RAB38: variants seen among roughly 807,000 people sequenced by gnomAD.
RAB38 encodes RAB38, member RAS oncogene family.
Under a neutral mutation model 18.4 loss-of-function variants are expected in RAB38, and 15 were observed. The ratio of observed to expected loss-of-function variants is 0.82; its 90% CI spans 0.55 to 1.26. The LOEUF is 1.26. RAB38 is among the 50% of genes most tolerant of loss of function. RAB38 has a pLI of 0.00. For synonymous variants in RAB38, 101 were observed against 104.4 expected (o/e 0.97, Z 0.20); for missense variants, 294 against 267.4 (o/e 1.10, Z -0.69).
At chr11:88,029,888 A>G in the RAB38 span, among the ~76,000 whole-genome samples, 1 of 152,160 alleles carries the variant, frequency 6.6e-6, no homozygotes, top group Non-Finnish European at 1.5e-5. Flanking sequence ...CCTAATAGAC[A>G]TCTACAGAAC....
the RAB38 span, among the ~76,000 whole-genome samples, chr11:88,013,149 C>G: frequency 6.6e-6 from 1 of 152,092 alleles, no homozygotes; most frequent in South Asian, 2.1e-4. Flanking sequence ...TAAACTTTCA[C>G]TAAATACCAA....
At chr11:88,003,595 T>C in the RAB38 span, among the ~76,000 whole-genome samples, 2 of 81,422 alleles carry the variant, frequency 2.5e-5, 1 homozygote, top group South Asian at 8.0e-4. Flanking sequence ...TAATATTGTA[T>C]ATATTATATA....
chr11:87,956,601 CTAAT>C, the RAB38 span, among the ~76,000 whole-genome samples: 1 of 152,028 alleles, frequency 6.6e-6, no homozygotes, highest in African/African-American at 2.4e-5. Flanking sequence ...GGTCTGGGAA[CTAAT>C]TAATAATTTG....
chr11:87,977,757 A>G, the RAB38 span, among the ~76,000 whole-genome samples: 1 of 60,870 alleles, frequency 1.6e-5, no homozygotes, highest in African/African-American at 5.5e-5. Context: ...TAATATATAT[A>G]TATTATATTA....
chr11:88,062,461 T>C, the RAB38 span, among the ~76,000 whole-genome samples: 3 of 152,248 alleles, frequency 2.0e-5, no homozygotes, highest in African/African-American at 7.2e-5. Flanking sequence ...TATTTCTTTA[T>C]AGCAGTGTGA....
chr11:87,958,986 A>C, the RAB38 span, among the ~76,000 whole-genome samples: 6 of 152,274 alleles, frequency 3.9e-5, no homozygotes, highest in South Asian at 1.0e-3. Context: ...GCCCTAGAGA[A>C]TATAATGAAA....
At chr11:87,827,943 A>T in the RAB38 span, among the ~76,000 whole-genome samples, 3 of 152,226 alleles carry the variant, frequency 2.0e-5, no homozygotes, top group South Asian at 4.1e-4. Context: ...ATTGGATCTT[A>T]GAACACAAAA....
the RAB38 span, among the ~76,000 whole-genome samples, chr11:87,948,689 G>GCATTA: frequency 8.0e-6 from 1 of 125,768 alleles, no homozygotes; most frequent in Non-Finnish European, 1.6e-5. Context: ...TTTATATGCT[G>GCATTA]GATTTATTGA....
At chr11:88,031,131 A>G in the RAB38 span, among the ~76,000 whole-genome samples, 1 of 152,076 alleles carries the variant, frequency 6.6e-6, no homozygotes, top group Non-Finnish European at 1.5e-5. Flanking sequence ...CAAAAACCAC[A>G]TGATTATCTC....
At chr11:88,063,615 G>C in the RAB38 span, among the ~76,000 whole-genome samples, 2 of 152,168 alleles carry the variant, frequency 1.3e-5, no homozygotes, top group Non-Finnish European at 2.9e-5. Context: ...ATCTTGAACT[G>C]TAGTAATCCC....
the RAB38 span, among the ~76,000 whole-genome samples, chr11:87,968,507 A>T: frequency 6.6e-6 from 1 of 152,280 alleles, no homozygotes; most frequent in African/African-American, 2.4e-5. Context: ...ATCTTTCCAT[A>T]GAATGGAACA....
At chr11:88,058,315 C>A in the RAB38 span, among the ~76,000 whole-genome samples, 1 of 152,104 alleles carries the variant, frequency 6.6e-6, no homozygotes, top group Non-Finnish European at 1.5e-5. Flanking sequence ...CCTAGAGGAA[C>A]AAATGAACAG....
At chr11:87,924,995 C>G in the RAB38 span, among the ~76,000 whole-genome samples, 1 of 152,080 alleles carries the variant, frequency 6.6e-6, no homozygotes, top group South Asian at 2.1e-4. Context: ...CATGTGCACA[C>G]TAGGTAAACG....
chr11:87,894,430 C>T, the RAB38 span, among the ~76,000 whole-genome samples: 1 of 151,646 alleles, frequency 6.6e-6, no homozygotes, highest in East Asian at 2.0e-4. Flanking sequence ...TAATATATCA[C>T]ATGCCACAGA....
At chr11:87,937,870 GTTTTTTTT>G in the RAB38 span, among the ~76,000 whole-genome samples, 1 of 92,024 alleles carries the variant, frequency 1.1e-5, no homozygotes, top group Non-Finnish European at 2.3e-5. Flanking sequence ...TCATTGAAGT[GTTTTTTTT>G]TTTTTTTTTT....
chr11:87,946,335 T>G, the RAB38 span, among the ~76,000 whole-genome samples: 1 of 152,122 alleles, frequency 6.6e-6, no homozygotes, highest in South Asian at 2.1e-4. Flanking sequence ...TGAGAACATT[T>G]GGAATTCAGT....
chr11:87,952,930 C>A, the RAB38 span, among the ~76,000 whole-genome samples: 1 of 151,884 alleles, frequency 6.6e-6, no homozygotes, highest in Non-Finnish European at 1.5e-5. Flanking sequence ...TTATTATAGA[C>A]AATAAGTATT....
At chr11:87,943,651 G>T in the RAB38 span, among the ~76,000 whole-genome samples, 1 of 152,110 alleles carries the variant, frequency 6.6e-6, no homozygotes, top group African/African-American at 2.4e-5. Context: ...CATACTTAGG[G>T]GATTTGGGAG....
the RAB38 span, among the ~76,000 whole-genome samples, chr11:87,921,568 ATATATAT>A: frequency 1.4e-5 from 2 of 148,092 alleles, no homozygotes; most frequent in East Asian, 3.9e-4. Flanking sequence ...ATTATATATA[ATATATAT>A]TATATATATA....
Sources: allele counts gnomAD v4.1 joint callset (sites outside exome capture counted in the v4.1 genomes callset), GRCh38; gene constraint gnomAD v4.1.1; transcripts MANE v1.5; gene names NCBI Gene and HGNC (gene_info 2026-07-23, HGNC 2026-07-21).